PTPRG: variants seen among roughly 807,000 people sequenced by gnomAD.
The protein encoded by PTPRG is protein tyrosine phosphatase receptor type G.
PTPRG carries 102 observed loss-of-function variants against 165.3 expected under a neutral mutation model. The ratio of observed to expected loss-of-function variants is 0.62; its 90% CI spans 0.53 to 0.73. PTPRG has a LOEUF of 0.73. PTPRG is among the 30% of genes least tolerant of loss of function. The pLI is 0.00. For missense variants in PTPRG, 1,866 were observed against 1,861.4 expected (o/e 1.00, Z -0.05); for synonymous variants, 675 against 669.5 (o/e 1.01, Z -0.13).
At chr3:62,087,128 A>T (rs1390900706) in intron 5 of PTPRG, among the ~76,000 whole-genome samples, 1 of 152,206 alleles carries the variant, frequency 6.6e-6, no homozygotes. Context: ...GATTTTCGTA[A>T]ACTCAGAGAA....
chr3:61,925,667 T>C (rs1476962519), intron 2 of PTPRG, among the ~76,000 whole-genome samples: 1 of 151,822 alleles, frequency 6.6e-6, no homozygotes, highest in Non-Finnish European at 1.5e-5. Context: ...TTCATGAACC[T>C]GGGAGGCGGA....
At chr3:61,760,319 A>T (rs1459020282) in intron 2 of PTPRG, among the ~76,000 whole-genome samples, 1 of 152,160 alleles carries the variant, frequency 6.6e-6, no homozygotes, top group Non-Finnish European at 1.5e-5. Flanking sequence ...AACCATACAG[A>T]TTGTTTAAAA....
At chr3:61,925,457 G>T (rs1393127435) in intron 2 of PTPRG, among the ~76,000 whole-genome samples, 5 of 152,182 alleles carry the variant, frequency 3.3e-5, no homozygotes, top group Admixed American at 2.6e-4. Flanking sequence ...AAAATCACTG[G>T]TCAGGGCTGG....
rs2106766692 is a variant in PTPRG, at chr3:61,715,443, TC to T, written c.86-33433del. Among the ~76,000 whole-genome samples, 2 of 152,214 alleles carry T rather than the reference TC, an allele frequency of 1.3e-5. 1 individual carries two copies. Among genetic ancestry groups the T allele is most frequent in the African/African-American group, 4.8e-5 (2 of 41,508 alleles). ...CATGTTGCCCAGGCTGGTCTTGAAC[TC>T]CTGGGCTCAAGATGTCCACCTGCCT... On this transcript the variant is annotated intron_variant, in intron 1 of 29. Transcript: ENST00000474889.
At chr3:61,661,173 A>G (rs889116821) in intron 1 of PTPRG, among the ~76,000 whole-genome samples, 4 of 152,092 alleles carry the variant, frequency 2.6e-5, no homozygotes, top group South Asian at 2.1e-4. Context: ...CCTGGGCTCA[A>G]GCAATCCTTT....
intron 28 of PTPRG, among the ~76,000 whole-genome samples, chr3:62,284,216 A>T (rs1309407381): frequency 6.6e-6 from 1 of 152,114 alleles, no homozygotes. Context: ...CTTATATTTT[A>T]GGGTAAGGAA....
intron 2 of PTPRG, among the ~76,000 whole-genome samples, chr3:61,958,922 T>A (rs888596958): frequency 4.7e-4 from 72 of 152,290 alleles, no homozygotes; most frequent in African/African-American, 1.5e-3. Flanking sequence ...TCTCTCACAC[T>A]CAAGGCTGGG....
intron 4 of PTPRG, among the ~76,000 whole-genome samples, chr3:62,047,421 G>A (rs1487983149): frequency 6.6e-6 from 1 of 152,020 alleles, no homozygotes; most frequent in African/African-American, 2.4e-5. Context: ...CACCACGCCT[G>A]GCTAATTTTT....
chr3:61,823,240 G>C (rs753236701), intron 2 of PTPRG, among the ~76,000 whole-genome samples: 3 of 152,166 alleles, frequency 2.0e-5, no homozygotes, highest in Non-Finnish European at 4.4e-5. Flanking sequence ...GCCCAGGCTA[G>C]AGTGCAGTGG....
chr3:62,237,260 G>A lies in PTPRG; in HGVS notation c.2375+5949G>A, dbSNP rs1314005271. On this transcript the variant is annotated intron_variant, in intron 14 of 29. Transcript: ENST00000474889. This position sits in a 1 kb window ranked among gnomAD's most constrained non-coding sequence, Gnocchi z 4.5. ...TGGGTATTCTTCCTTAAGAATTCCT[G>A]GGTGGAAATGGGGGGTCAGAAGTCT... is the stretch of plus-strand genomic sequence containing the variant. 6.6e-6 allele frequency among the ~76,000 whole-genome samples: 1 copy of A among 152,126 alleles called. No homozygotes were observed.
chr3:61,870,408 G>T (rs1338443602), intron 2 of PTPRG, among the ~76,000 whole-genome samples: 5 of 144,456 alleles, frequency 3.5e-5, no homozygotes, highest in African/African-American at 1.3e-4. Context: ...CACCTCCTGG[G>T]TTCAAGCAAT....
At chr3:61,586,893 G>A (rs1183359337) in intron 1 of PTPRG, among the ~76,000 whole-genome samples, 4 of 152,132 alleles carry the variant, frequency 2.6e-5, no homozygotes, top group Non-Finnish European at 1.5e-5. Flanking sequence ...GTATTTCTGT[G>A]CCCAGATATA....
intron 2 of PTPRG, among the ~76,000 whole-genome samples, chr3:61,952,727 A>G (rs901685816): frequency 5.3e-5 from 8 of 151,876 alleles, no homozygotes; most frequent in Non-Finnish European, 7.4e-5. Context: ...AACATAATCC[A>G]TTTGCCCTAG....
intron 2 of PTPRG, among the ~76,000 whole-genome samples, chr3:61,875,181 C>CA (rs1384936182): frequency 6.6e-6 from 1 of 152,190 alleles, no homozygotes; most frequent in Non-Finnish European, 1.5e-5. Context: ...AGTCATATGT[C>CA]AAAGCACAGA....
At chr3:61,887,938 G>C (rs933453444) in intron 2 of PTPRG, among the ~76,000 whole-genome samples, 3 of 152,114 alleles carry the variant, frequency 2.0e-5, no homozygotes, top group African/African-American at 7.2e-5. Flanking sequence ...TTCAGTCAGA[G>C]AGCTCTGGAG....
intron 1 of PTPRG, among the ~76,000 whole-genome samples, chr3:61,636,855 T>C (rs1157171655): frequency 6.6e-6 from 1 of 152,216 alleles, no homozygotes; most frequent in African/African-American, 2.4e-5. Flanking sequence ...TGTAGTATTT[T>C]ACTTGGTAAA....
chr3:61,970,347 A>G (rs1158850073), intron 2 of PTPRG, among the ~76,000 whole-genome samples: 1 of 152,104 alleles, frequency 6.6e-6, no homozygotes, highest in Non-Finnish European at 1.5e-5. Flanking sequence ...TGTTTTGAAA[A>G]ATCACTGACA....
chr3:61,909,295 C>T (rs184838076), intron 2 of PTPRG, among the ~76,000 whole-genome samples: 2 of 152,162 alleles, frequency 1.3e-5, no homozygotes, highest in East Asian at 3.9e-4. Context: ...ATAGGTGTAC[C>T]CTTTTCAGCT....
intron 2 of PTPRG, among the ~76,000 whole-genome samples, chr3:61,921,180 T>C (rs893561936): frequency 2.5e-4 from 37 of 148,746 alleles, no homozygotes; most frequent in African/African-American, 8.5e-4. Context: ...ATCTACAGCT[T>C]AGGGAAAAAG....
Sources: allele counts gnomAD v4.1 joint callset (sites outside exome capture counted in the v4.1 genomes callset), GRCh38; gene constraint gnomAD v4.1.1; non-coding constraint Gnocchi (gnomAD v3.1); transcripts MANE v1.5; gene names NCBI Gene and HGNC (gene_info 2026-07-23, HGNC 2026-07-21).